Variants in NUP205 observed in about 807,000 individuals in gnomAD.
NUP205 encodes nuclear pore complex protein Nup205.
Under a neutral mutation model 253.8 loss-of-function variants are expected in NUP205, and 76 were observed. That is an observed-to-expected ratio of 0.30 (90% CI 0.25 to 0.36). The LOEUF (loss-of-function observed/expected upper bound fraction) is 0.36. Ranked by LOEUF, NUP205 falls within the 10% of genes least tolerant of loss-of-function variation. The pLI, the probability that NUP205 is intolerant of heterozygous loss-of-function variation, is 1.00. For synonymous variants in NUP205, 832 were observed against 850.1 expected (o/e 0.98, Z 0.37); for missense variants, 2,162 against 2,425.5 (o/e 0.89, Z 2.28).
At chr7:135,586,782 C>A (rs1480409533) in intron 8 of NUP205, among the ~76,000 whole-genome samples, 1 of 152,140 alleles carries the variant, frequency 6.6e-6, no homozygotes, top group Non-Finnish European at 1.5e-5. Context: ...AGAGAACACG[C>A]CTTGTAGAAT....
chr7:135,578,891 A>C lies in NUP205; in HGVS notation c.1018A>C (p.Ile340Leu), dbSNP rs61756072. 2.1e-5 allele frequency: 33 copies of C among 1,604,398 alleles called. No homozygotes were observed. The highest frequency in any genetic ancestry group is 2.5e-5 in the Non-Finnish European group (29 of 1,177,318). ...TGCCTGGGCGCTGGCATTGAGGGGAATATCCCAGCTACCTGATGTGACAGG... is the reference window on the plus strand; with the variant it reads ...TGCCTGGGCGCTGGCATTGAGGGGACTATCCCAGCTACCTGATGTGACAGG... ...RLAWALALRGISQLPDVTALA... is the reference protein window; with the variant it reads ...RLAWALALRGLSQLPDVTALA... Residue 340 changes from isoleucine to leucine, a missense_variant, in exon 7 of 43, where the codon ATA (isoleucine) becomes CTA (leucine). Ile to Leu is a conservative substitution (Grantham distance 5). Around this residue, in one of 5 missense-constraint regions of NUP205, gnomAD observed 892 missense variants for 957.1 expected, o/e 0.93. Coordinates refer to ENST00000285968, the MANE Select transcript of NUP205 (RefSeq NM_015135.3).
chr7:135,635,570 A>C lies in NUP205; in HGVS notation c.5060-11A>C, dbSNP rs1197524144. On this transcript the variant is annotated splice_polypyrimidine_tract_variant and intron_variant, in intron 35 of 42. Transcript: ENST00000285968. Reference sequence around the variant, plus strand: ...ATAATAATATGTTTTAAAGCATTCTACATTTTATAGGAATATTAAGTGAAC... The same window carrying C: ...ATAATAATATGTTTTAAAGCATTCTCCATTTTATAGGAATATTAAGTGAAC... 2 of 1,453,828 alleles carry C rather than the reference A, an allele frequency of 1.4e-6. No individual in the cohort carries two copies. The highest frequency in any genetic ancestry group is 1.9e-6 in the Non-Finnish European group (2 of 1,043,344). 90.1% of individuals were successfully genotyped at this position (1,453,828 alleles called of 1,614,324 possible).
In NUP205 at chr7:135,618,515, T is replaced by C. The variant is rs1794405563; in HGVS notation, c.3875T>C (p.Ile1292Thr). The change falls in exon 28 of 43, where the codon ATT becomes ACT. Residue 1292 changes from isoleucine (I) to threonine (T), a missense_variant. Around this residue, in one of 5 missense-constraint regions of NUP205, gnomAD observed 1,144 missense variants for 1,280.9 expected, o/e 0.89. Transcript: ENST00000285968. ...ALESWRQLVE[I>T]ILTACPQDLI... The stretch of plus-strand genomic sequence containing the variant: ...GAGTCGTGGAGGCAACTAGTAGAAA[T>C]TATACTGACAGCTTGTCCCCAGGAC... 2 of 1,614,044 alleles carry C rather than the reference T, an allele frequency of 1.2e-6. No homozygotes were observed. The highest frequency in any genetic ancestry group is 1.7e-6 in the Non-Finnish European group (2 of 1,179,976).
rs61734146 is a variant in NUP205 at position 135,607,332 on chromosome 7, G to A, written c.3156G>A (p.Ala1052=). 0.036 allele frequency: 58,034 copies of A among 1,613,534 alleles called. 1,213 individuals carry two copies. The highest frequency in any genetic ancestry group is 0.076 in the Middle Eastern group (459 of 6,054). Residue 1052 remains alanine (A), a synonymous_variant, in exon 22 of 43, where the codon GCG becomes GCA. Coordinates refer to ENST00000285968, the MANE Select transcript of NUP205 (RefSeq NM_015135.3). ...KGTEGRTGPV[A]VRESPQLAEL... is the part of the protein sequence containing the mutation. ...CGGAAGGGAGAACAGGCCCAGTGGC[G>A]GTGCGAGAATCTCCTCAGCTGGCTG...
At chr7:135,634,127 G>A (rs1369248679) in intron 35 of NUP205, among the ~76,000 whole-genome samples, 3 of 152,038 alleles carry the variant, frequency 2.0e-5, no homozygotes, top group African/African-American at 7.2e-5. Context: ...ATAAAGATGA[G>A]GCCTCACCAT....
chr7:135,571,279 A>AT (rs546492942), intron 2 of NUP205, 32 bp downstream of exon 2: 36,176 of 1,034,808 alleles, frequency 0.035, 2 homozygotes, highest in Non-Finnish European at 0.038. Flanking sequence ...TTTTTTTGGG[A>AT]TTTTTTTTTT....
At position 135,617,223 on chromosome 7, in the gene NUP205, G is replaced by A. The variant is rs1794381419; in HGVS notation, c.3666G>A (p.Arg1222=). ...CTAACTGTGAACACAAGAATTTACG[G>A]GGACAGACAGTCTGCAATGTCAAGG... ...VIANCEHKNL[R]GQTVCNVKLL... The change falls in exon 26 of 43, where the codon CGG becomes CGA. Residue 1222 remains arginine, a synonymous_variant. Coordinates refer to ENST00000285968, the MANE Select transcript of NUP205 (RefSeq NM_015135.3). 6.2e-7 allele frequency: 1 copy of A among 1,613,602 alleles called. No homozygotes were observed. The highest frequency in any genetic ancestry group is 1.3e-5 in the African/African-American group (1 of 74,888).
At position 135,584,891 on chromosome 7, in the gene NUP205, G is replaced by A. The variant is rs1167282516; in HGVS notation, c.1102G>A (p.Val368Ile). The A allele has an allele frequency of 1.2e-5, 19 of 1,613,836 alleles. No individual in the cohort carries two copies. The highest frequency in any genetic ancestry group is 1.7e-5 in the Admixed American group (1 of 59,984). ...GGCAGAACTCGCAATTGCTGACAAC[G>A]TTTTCCTGTTCCTCATGGAATCTGT... ...AMAELAIADN[V>I]FLFLMESVVV... Residue 368 changes from valine (V) to isoleucine (I), a missense_variant, in exon 8 of 43, where the codon GTT (valine) becomes ATT (isoleucine). Physicochemically the swap from Val to Ile is conservative, Grantham distance 29. Around this residue, in one of 5 missense-constraint regions of NUP205, gnomAD observed 892 missense variants for 957.1 expected, o/e 0.93. Transcript: ENST00000285968.
rs540306784 is a variant in NUP205, at chr7:135,564,444, T to C, written c.28+6472T>C. 3.3e-5 allele frequency among the ~76,000 whole-genome samples: 5 copies of C among 151,852 alleles called. No homozygotes were observed. In the South Asian group the frequency reaches 1.0e-3, roughly 32 times the overall value. On this transcript the variant is annotated intron_variant, in intron 1 of 42. Transcript: ENST00000285968. ...TTGTGTGTGTTTAGTAGAGACAGGGTTTCACCATGTTGGCCATGCTGGTCT... is the reference window on the plus strand; with the variant it reads ...TTGTGTGTGTTTAGTAGAGACAGGGCTTCACCATGTTGGCCATGCTGGTCT...
intron 6 of NUP205, among the ~76,000 whole-genome samples, chr7:135,578,347 A>C (rs1806211249): frequency 6.6e-6 from 1 of 152,228 alleles, no homozygotes. Flanking sequence ...TTATTAAAAC[A>C]TTCTGAGACA....
chr7:135,571,246 C>A lies in NUP205; in HGVS notation c.170C>A (p.Pro57Gln). The change falls in exon 2 of 43, where the codon CCG becomes CAG. Residue 57 changes from proline (P) to glutamine (Q), a missense_variant and splice_region_variant. This residue lies in a region of NUP205 where 109 missense variants were observed against 131.8 expected (regional missense o/e 0.83). Transcript: ENST00000285968. ...KPDFISLFKN[P>Q]PKNVQQHEKV... is the part of the protein sequence containing the mutation. ...GACTTCATCTCATTGTTCAAAAATCCGGTAAGAAATTTTCTTTTTCAGTTT... is the reference window on the plus strand; with the variant it reads ...GACTTCATCTCATTGTTCAAAAATCAGGTAAGAAATTTTCTTTTTCAGTTT... 7.2e-7 allele frequency: 1 copy of A among 1,387,464 alleles called. No homozygotes were observed. The highest frequency in any genetic ancestry group is 1.9e-5 in the South Asian group (1 of 52,368). The allele number at this position is 1,387,464 out of a possible 1,614,324, so 85.9% of individuals were successfully genotyped here.
intron 11 of NUP205, 95 bp from the exon 12 acceptor site, chr7:135,592,891 GA>G (rs1349214705): frequency 8.3e-6 from 8 of 969,316 alleles, no homozygotes; most frequent in Non-Finnish European, 1.2e-5. Context: ...TCTCAAAAAA[GA>G]AAAAAGTATA....
chr7:135,594,539 A>G lies in NUP205; in HGVS notation c.1831-8A>G. The G allele has an allele frequency of 6.4e-7, 1 of 1,570,420 alleles. No homozygotes were observed. The highest frequency in any genetic ancestry group is 8.6e-7 in the Non-Finnish European group (1 of 1,163,094). On this transcript the variant is annotated splice_polypyrimidine_tract_variant and splice_region_variant and intron_variant, in intron 12 of 42. Coordinates refer to ENST00000285968, the MANE Select transcript of NUP205 (RefSeq NM_015135.3). ...GGAAAGTCTCATTCTTTTTGTGTCAATTCTTAGAGTGAAAATGCTCGCTTG... is the reference window on the plus strand; with the variant it reads ...GGAAAGTCTCATTCTTTTTGTGTCAGTTCTTAGAGTGAAAATGCTCGCTTG...
Position 135,573,704 on chromosome 7 carries a change from A to C in NUP205, c.222A>C (p.Gly74=), listed in dbSNP as rs771752292. Residue 74 remains glycine, a synonymous_variant, in exon 3 of 43, where the codon GGA becomes GGC. Transcript: ENST00000285968. ...AGGTTCAGAAAGCCAGTACAGAGGG[A>C]GTCGCCATTCAGGGTCAACAGGGAA... The part of the protein sequence containing the change: ...HEKVQKASTE[G]VAIQGQQGTR... 6.8e-6 allele frequency: 11 copies of C among 1,613,888 alleles called. No homozygotes were observed. The highest frequency in any genetic ancestry group is 8.5e-7 in the Non-Finnish European group (1 of 1,179,924).
chr7:135,601,473 A>G lies in NUP205; in HGVS notation c.2478A>G (p.Gly826=), dbSNP rs1584664890. Reference sequence around the variant, plus strand: ...TTGCTCTCAGTTTACTGGAAGAAGGAGTTAAGCAGCTTGACACCTATGCCC... The same window carrying G: ...TTGCTCTCAGTTTACTGGAAGAAGGGGTTAAGCAGCTTGACACCTATGCCC... ...LELALSLLEE[G]VKQLDTYAPF... Residue 826 remains glycine (G), a synonymous_variant, in exon 17 of 43, where the codon GGA becomes GGG. Coordinates refer to ENST00000285968, the MANE Select transcript of NUP205 (RefSeq NM_015135.3). 6.2e-7 allele frequency: 1 copy of G among 1,613,782 alleles called. No homozygotes were observed. Among genetic ancestry groups the G allele is most frequent in the South Asian group, 1.1e-5 (1 of 91,050 alleles).
At chr7:135,628,707 C>T (rs969656832) in intron 34 of NUP205, among the ~76,000 whole-genome samples, 2 of 152,174 alleles carry the variant, frequency 1.3e-5, no homozygotes, top group Non-Finnish European at 2.9e-5. Flanking sequence ...ATTGATTAGG[C>T]TTATCATGAA....
chr7:135,575,534 C>T (rs1806128808), intron 3 of NUP205, among the ~76,000 whole-genome samples: 1 of 152,194 alleles, frequency 6.6e-6, no homozygotes, highest in Admixed American at 6.5e-5. Flanking sequence ...TGGTGGCTCA[C>T]ACCTGTAATC....
At chr7:135,562,739 G>T (rs1293636184) in intron 1 of NUP205, among the ~76,000 whole-genome samples, 5 of 151,706 alleles carry the variant, frequency 3.3e-5, no homozygotes, top group Non-Finnish European at 1.5e-5. Flanking sequence ...GTAGAGCAGG[G>T]TTTCACCGTG....
chr7:135,578,129 G>T lies in NUP205; in HGVS notation c.877+105G>T, dbSNP rs1806202930. The stretch of plus-strand genomic sequence containing the variant: ...TTTAGCTACTAAAATAGTCTGCTCT[G>T]TTCCTGTGTTTGCAGTCCGTTCATA... On this transcript the variant is annotated intron_variant, in intron 6 of 42. Transcript: ENST00000285968. 1.7e-5 allele frequency: 13 copies of T among 743,894 alleles called. No homozygotes were observed. In the East Asian group the frequency reaches 3.5e-4, roughly 20 times the overall value. 46.1% of individuals were successfully genotyped at this position (743,894 alleles called of 1,614,324 possible).
Sources: gnomAD v4.1 joint callset for allele counts (sites outside exome capture counted in the v4.1 genomes callset) on GRCh38, gnomAD v4.1.1 for gene constraint, gnomAD v4.1.1 regional missense constraint, MANE v1.5 for transcripts, NCBI Gene and HGNC (gene_info 2026-07-23, HGNC 2026-07-21) for gene names.